EPM2A: variants seen among roughly 807,000 people sequenced by gnomAD.
The protein encoded by EPM2A is EPM2A glucan phosphatase, laforin.
Under a neutral mutation model 26.5 loss-of-function variants are expected in EPM2A, and 21 were observed. That is an observed-to-expected ratio of 0.79 (90% CI 0.56 to 1.14). The LOEUF (loss-of-function observed/expected upper bound fraction) is 1.14, where lower values mean the gene tolerates loss of function less well. EPM2A is among the 50% of genes most tolerant of loss of function. EPM2A has a pLI of 0.00. For synonymous variants in EPM2A, 217 were observed against 177.6 expected (o/e 1.22, Z -1.76); for missense variants, 458 against 440.8 (o/e 1.04, Z -0.35).
At chr6:145,449,764 A>G (rs1449992514) in intron 4 of EPM2A, among the ~76,000 whole-genome samples, 1 of 152,236 alleles carries the variant, frequency 6.6e-6, no homozygotes, top group Non-Finnish European at 1.5e-5. Context: ...AACATAGTCA[A>G]ACAACTCTGA....
intron 2 of EPM2A, among the ~76,000 whole-genome samples, chr6:145,617,172 C>T (rs1775531805): frequency 6.6e-6 from 1 of 152,154 alleles, no homozygotes; most frequent in African/African-American, 2.4e-5. Flanking sequence ...CTTTTCTGTG[C>T]TGTCTTCATG....
chr6:145,598,165 G>C (rs1474665516), intron 2 of EPM2A, among the ~76,000 whole-genome samples: 1 of 152,082 alleles, frequency 6.6e-6, no homozygotes, highest in Admixed American at 6.6e-5. Flanking sequence ...TTCCATAATG[G>C]CTGAACTAAT....
chr6:145,484,598 A>T (rs1779650504), intron 4 of EPM2A, among the ~76,000 whole-genome samples: 1 of 152,142 alleles, frequency 6.6e-6, no homozygotes, highest in South Asian at 2.1e-4. Flanking sequence ...TAATTATAGG[A>T]CAAATATATT....
At chr6:145,576,821 G>T (rs528387871) in intron 2 of EPM2A, among the ~76,000 whole-genome samples, 1 of 151,890 alleles carries the variant, frequency 6.6e-6, no homozygotes, top group Non-Finnish European at 1.5e-5. Context: ...ACAACAATTT[G>T]TTCAGAGATA....
intron 1 of EPM2A, among the ~76,000 whole-genome samples, chr6:145,694,594 T>A (rs1048450742): frequency 6.6e-6 from 1 of 151,818 alleles, no homozygotes; most frequent in Admixed American, 6.6e-5. Context: ...GTAAGAGGTG[T>A]TAAGATTGAC....
At chr6:145,588,823 T>C (rs1258883380) in intron 2 of EPM2A, among the ~76,000 whole-genome samples, 1 of 152,216 alleles carries the variant, frequency 6.6e-6, no homozygotes, top group African/African-American at 2.4e-5. Flanking sequence ...AACAATATGT[T>C]GTGCCAAACA....
At chr6:145,418,733 C>A (rs1323710889) in intron 4 of EPM2A, among the ~76,000 whole-genome samples, 1 of 152,174 alleles carries the variant, frequency 6.6e-6, no homozygotes, top group Non-Finnish European at 1.5e-5. Context: ...TTGACTGAAT[C>A]TGATTTTTAA....
chr6:145,681,052 T>C (rs1368484612), intron 2 of EPM2A, among the ~76,000 whole-genome samples: 1 of 152,210 alleles, frequency 6.6e-6, no homozygotes, highest in African/African-American at 2.4e-5. Context: ...CTCCAGCACC[T>C]GTTGTTTCCT....
intron 2 of EPM2A, among the ~76,000 whole-genome samples, chr6:145,669,196 T>C (rs1779466617): frequency 1.3e-5 from 2 of 152,148 alleles, no homozygotes. Flanking sequence ...TTTTACAACT[T>C]ATCAAAACAA....
At position 145,735,237 on chromosome 6, in the gene EPM2A, A is replaced by G. The variant is rs1463000703; in HGVS notation, c.262T>C (p.Phe88Leu). The G allele has an allele frequency of 7.1e-6, 11 of 1,539,950 alleles. No individual in the cohort carries two copies. The highest frequency in any genetic ancestry group is 2.8e-5 in the African/African-American group (2 of 71,080). Residue 88 changes from phenylalanine (F) to leucine (L), a missense_variant, in exon 1 of 4, where the codon TTC (phenylalanine) becomes CTC (leucine). Phe to Leu is a conservative substitution (Grantham distance 22). Transcript: ENST00000367519. The stretch of plus-strand genomic sequence containing the variant: ...TCTCCTCCCGGCTCCCGCTTCAGGA[A>G]CTTGTACCAGAACGTGTCCACGCGG... ...PGRVDTFWYK[F>L]LKREPGGELS...
chr6:145,512,820 A>T (rs1780074238), intron 2 of EPM2A, among the ~76,000 whole-genome samples: 1 of 151,822 alleles, frequency 6.6e-6, no homozygotes, highest in African/African-American at 2.4e-5. Flanking sequence ...TGGGGAAAGA[A>T]CTCTCTATTC....
intron 2 of EPM2A, among the ~76,000 whole-genome samples, chr6:145,575,689 A>G (rs1323660738): frequency 4.6e-5 from 7 of 152,224 alleles, no homozygotes. Flanking sequence ...GCAATGAAAC[A>G]GGAGTGTCAA....
At chr6:145,724,325 C>T (rs1396630821) in intron 1 of EPM2A, among the ~76,000 whole-genome samples, 1 of 152,004 alleles carries the variant, frequency 6.6e-6, no homozygotes, top group Non-Finnish European at 1.5e-5. Flanking sequence ...TTAAGAAAAA[C>T]TAAATATACT....
At chr6:145,662,588 T>C (rs897508659) in intron 2 of EPM2A, among the ~76,000 whole-genome samples, 8 of 152,146 alleles carry the variant, frequency 5.3e-5, no homozygotes, top group Non-Finnish European at 8.8e-5. Flanking sequence ...GAATACAGCA[T>C]GAGCAAGTAG....
chr6:145,679,748 C>A (rs564412078), intron 2 of EPM2A, among the ~76,000 whole-genome samples: 1 of 152,048 alleles, frequency 6.6e-6, no homozygotes, highest in African/African-American at 2.4e-5. Flanking sequence ...AAAACAAAAA[C>A]AAAAACACTT....
At chr6:145,597,105 AG>A (rs1297778890) in intron 2 of EPM2A, among the ~76,000 whole-genome samples, 1 of 151,286 alleles carries the variant, frequency 6.6e-6, no homozygotes, top group Admixed American at 6.6e-5. Context: ...CTTGTTAGCC[AG>A]GATGGTCTCG....
intron 1 of EPM2A, among the ~76,000 whole-genome samples, chr6:145,702,120 C>T (rs1781947299): frequency 6.6e-6 from 1 of 152,186 alleles, no homozygotes; most frequent in African/African-American, 2.4e-5. Flanking sequence ...GCCCTGTGCT[C>T]ACCCAGCACT....
At chr6:145,455,449 C>T (rs1302601308) in intron 4 of EPM2A, among the ~76,000 whole-genome samples, 1 of 152,140 alleles carries the variant, frequency 6.6e-6, no homozygotes, top group African/African-American at 2.4e-5. Flanking sequence ...TCTCCGCCTC[C>T]TGGGTTCAAG....
At chr6:145,406,499 G>A (rs139455481) in intron 4 of EPM2A, among the ~76,000 whole-genome samples, 1,949 of 152,240 alleles carry the variant, frequency 0.013, 24 homozygotes, top group South Asian at 0.048. Context: ...AATGATGTCT[G>A]ATAAGGCACT....
Sources: gnomAD v4.1 joint callset for allele counts (sites outside exome capture counted in the v4.1 genomes callset) on GRCh38, gnomAD v4.1.1 for gene constraint, MANE v1.5 for transcripts, NCBI Gene and HGNC (gene_info 2026-07-23, HGNC 2026-07-21) for gene names.